NAT1: variants seen among roughly 807,000 people sequenced by gnomAD.
NAT1 encodes arylamine N-acetyltransferase 1.
For missense variants in NAT1, 400 were observed against 339.2 expected, an observed-to-expected ratio of 1.18 and a Z score of -1.41; for synonymous variants, 144 against 122.6, an observed-to-expected ratio of 1.17 and a Z score of -1.16.
intron 2 of NAT1, among the ~76,000 whole-genome samples, chr8:18,187,936 A>AACACACACACACAC (rs35203470): frequency 0.051 from 7,066 of 137,398 alleles, 263 homozygotes; most frequent in East Asian, 0.071. Context: ...TTGTATCTTA[A>AACACACACACACAC]ACACACACAC....
At chr8:18,174,952 GA>G (rs1802232680) in intron 2 of NAT1, among the ~76,000 whole-genome samples, 1 of 152,118 alleles carries the variant, frequency 6.6e-6, no homozygotes, top group Non-Finnish European at 1.5e-5. Context: ...CACAATCTCA[GA>G]ACAAGTATGT....
upstream of NAT1, among the ~76,000 whole-genome samples, chr8:18,206,965 G>A (rs959357113): frequency 4.6e-5 from 7 of 152,112 alleles, no homozygotes; most frequent in East Asian, 3.9e-4. Flanking sequence ...TTCCTGAATA[G>A]TGTTGCCTAG....
At chr8:18,206,006 T>A (rs1426242090), upstream of NAT1, among the ~76,000 whole-genome samples, 1 of 152,188 alleles carries the variant, frequency 6.6e-6, no homozygotes, top group African/African-American at 2.4e-5. Context: ...GTGATGGCCA[T>A]CCCTGGCCCT....
intron 2 of NAT1, among the ~76,000 whole-genome samples, chr8:18,198,365 T>A (rs1376229622): frequency 2.0e-5 from 3 of 152,190 alleles, no homozygotes; most frequent in African/African-American, 7.2e-5. Flanking sequence ...GAGTTATGAA[T>A]GGTGTTTGTT....
upstream of NAT1, among the ~76,000 whole-genome samples, chr8:18,208,861 C>A (rs1357130616): frequency 6.6e-6 from 1 of 152,224 alleles, no homozygotes; most frequent in Non-Finnish European, 1.5e-5. Context: ...AAGTTCCAGT[C>A]CACTTCACAA....
chr8:18,185,686 G>T (rs1802705159), intron 2 of NAT1, among the ~76,000 whole-genome samples: 1 of 151,146 alleles, frequency 6.6e-6, no homozygotes, highest in South Asian at 2.1e-4. Flanking sequence ...AAATTCCTTG[G>T]GTTTAATTCA....
At chr8:18,180,814 G>A (rs959394968) in intron 2 of NAT1, among the ~76,000 whole-genome samples, 3 of 152,056 alleles carry the variant, frequency 2.0e-5, no homozygotes, top group African/African-American at 4.8e-5. Context: ...TGAGGTGGCT[G>A]GGAATAGTGG....
chr8:18,204,732 A>G (rs1803635169), intron 2 of NAT1, among the ~76,000 whole-genome samples: 1 of 152,258 alleles, frequency 6.6e-6, no homozygotes, highest in Non-Finnish European at 1.5e-5. Flanking sequence ...CAATATACAT[A>G]ATTAAAACTA....
Position 18,222,266 on chromosome 8 carries a change from T to A in NAT1, c.219T>A (p.His73Gln). The change falls in exon 3 of 3, where the codon CAT (histidine) becomes CAA (glutamine). Residue 73 changes from histidine to glutamine, a missense_variant. Physicochemically the swap from His to Gln is conservative, Grantham distance 24. Coordinates refer to ENST00000307719, the MANE Select transcript of NAT1 (RefSeq NM_000662.8). ...NRGGWCLQVN[H>Q]LLYWALTTIG... ...GTGGATGGTGTCTCCAGGTCAATCA[T>A]CTTCTGTACTGGGCTCTGACCACTA... 6.2e-7 allele frequency: 1 copy of A among 1,614,138 alleles called. No individual in the cohort carries two copies. Among genetic ancestry groups the A allele is most frequent in the Non-Finnish European group, 8.5e-7 (1 of 1,180,012 alleles).
At chr8:18,204,981 C>G (rs960580403) in intron 2 of NAT1, among the ~76,000 whole-genome samples, 1 of 152,192 alleles carries the variant, frequency 6.6e-6, no homozygotes, top group Admixed American at 6.5e-5. Context: ...ACTGTATGCT[C>G]TAACTATGGG....
chr8:18,186,587 A>T (rs1035633821), intron 2 of NAT1, among the ~76,000 whole-genome samples: 5 of 152,062 alleles, frequency 3.3e-5, no homozygotes, highest in Non-Finnish European at 7.4e-5. Context: ...TTAGGTTTAT[A>T]CCTATCGTCT....
At chr8:18,211,874 C>T (rs889039777) in intron 1 of NAT1, among the ~76,000 whole-genome samples, 3 of 152,178 alleles carry the variant, frequency 2.0e-5, no homozygotes, top group Non-Finnish European at 2.9e-5. Flanking sequence ...CATTGGCTCT[C>T]CTTGTAATTC....
At chr8:18,195,082 C>G (rs538975184) in intron 2 of NAT1, among the ~76,000 whole-genome samples, 1 of 152,132 alleles carries the variant, frequency 6.6e-6, no homozygotes, top group African/African-American at 2.4e-5. Context: ...AAGGAGTTTC[C>G]CCTTGGAGTT....
chr8:18,187,770 G>A (rs1004343561), intron 2 of NAT1, among the ~76,000 whole-genome samples: 4 of 151,900 alleles, frequency 2.6e-5, no homozygotes, highest in Non-Finnish European at 4.4e-5. Flanking sequence ...CATATTACCC[G>A]GGTGATGAAA....
intron 1 of NAT1, among the ~76,000 whole-genome samples, chr8:18,215,297 G>A (rs755703069): frequency 1.4e-4 from 22 of 152,152 alleles, no homozygotes; most frequent in Non-Finnish European, 2.2e-4. Context: ...CTCCACTTCG[G>A]AAGCACCAAT....
At chr8:18,180,565 T>G (rs1319084651) in intron 2 of NAT1, among the ~76,000 whole-genome samples, 2 of 152,186 alleles carry the variant, frequency 1.3e-5, no homozygotes, top group Non-Finnish European at 2.9e-5. Flanking sequence ...AATGCTGGCC[T>G]CATAAAATGA....
intron 1 of NAT1, among the ~76,000 whole-genome samples, chr8:18,215,003 A>G (rs1014548757): frequency 3.9e-5 from 6 of 152,242 alleles, no homozygotes; most frequent in Admixed American, 3.9e-4. Flanking sequence ...CCATGTTTCC[A>G]TGAAAGACAT....
intron 2 of NAT1, among the ~76,000 whole-genome samples, chr8:18,197,946 C>A (rs1477308197): frequency 6.7e-6 from 1 of 148,838 alleles, no homozygotes; most frequent in African/African-American, 2.5e-5. Flanking sequence ...GAACTAAAAT[C>A]ATTTATATAT....
upstream of NAT1, among the ~76,000 whole-genome samples, chr8:18,206,371 T>C (rs1420741356): frequency 6.6e-6 from 1 of 152,194 alleles, no homozygotes; most frequent in East Asian, 1.9e-4. Context: ...TCTCGGTCCC[T>C]TGGTGGCAGC....
Sources: gnomAD v4.1 joint callset for allele counts (sites outside exome capture counted in the v4.1 genomes callset) on GRCh38, gnomAD v4.1.1 for gene constraint, MANE v1.5 for transcripts, NCBI Gene and HGNC (gene_info 2026-07-23, HGNC 2026-07-21) for gene names.